The following RELN variants were observed in gnomAD, a reference collection of about 807,000 sequenced individuals.
The protein encoded by RELN is reelin.
In RELN, 108 loss-of-function variants were observed where a neutral mutation model predicts 427.6. The ratio of observed to expected loss-of-function variants is 0.25; its 90% CI spans 0.22 to 0.30. The LOEUF is 0.30. Ranked by LOEUF, RELN falls within the 10% of genes least tolerant of loss-of-function variation. The probability of loss-of-function intolerance (pLI) is 1.00; values close to 1 mark genes in which losing one functional copy is unlikely to be tolerated. For missense variants in RELN, 3,715 were observed against 4,302.8 expected, an observed-to-expected ratio of 0.86 and a Z score of 3.82; for synonymous variants, 1,524 against 1,513.4, an observed-to-expected ratio of 1.01 and a Z score of -0.16.
rs112871908 is a variant in RELN, at chr7:103,835,389, A to G, written c.338-1717T>C. Among the ~76,000 whole-genome samples the G allele has an allele frequency of 8.4e-3, 1,282 of 152,298 alleles. 15 individuals are homozygous for G. Among genetic ancestry groups the G allele is most frequent in the African/African-American group, 0.029 (1,193 of 41,560 alleles). On this transcript the variant is annotated intron_variant, in intron 2 of 64. Transcript: ENST00000428762. ...GGTGGATATGTGTCCTTATAAATGTATCCAAACACATAGAATGTACACACC... is the reference window on the plus strand; with the variant it reads ...GGTGGATATGTGTCCTTATAAATGTGTCCAAACACATAGAATGTACACACC...
intron 1 of RELN, among the ~76,000 whole-genome samples, chr7:103,980,427 C>G (rs1464062406): frequency 2.0e-5 from 3 of 152,050 alleles, no homozygotes; most frequent in Non-Finnish European, 2.9e-5. Context: ...ATTTTGCAAT[C>G]TCTATTTTAA....
chr7:103,540,091 G>C, intron 44 of RELN, 106 bp downstream of exon 44: 2 of 1,296,840 alleles, frequency 1.5e-6, no homozygotes, highest in South Asian at 1.2e-5. Flanking sequence ...TCAACTGTCA[G>C]TTCTGGGTTT....
chr7:103,480,272 A>C (rs1828186981), intron 63 of RELN, among the ~76,000 whole-genome samples: 1 of 152,220 alleles, frequency 6.6e-6, no homozygotes, highest in Non-Finnish European at 1.5e-5. Flanking sequence ...ATAATTAAGA[A>C]TATTTGTGAT....
At chr7:103,876,836 TA>T (rs1794491641) in intron 2 of RELN, among the ~76,000 whole-genome samples, 1 of 145,776 alleles carries the variant, frequency 6.9e-6, no homozygotes, top group Non-Finnish European at 1.5e-5. Context: ...ACTTTAGGCT[TA>T]AATTTTTTTT....
chr7:103,476,883 G>T (rs1274334764), intron 64 of RELN, among the ~76,000 whole-genome samples: 3 of 152,086 alleles, frequency 2.0e-5, no homozygotes, highest in Admixed American at 2.0e-4. Flanking sequence ...GAAGTGCAAT[G>T]AACTTTTAAA....
chr7:103,675,487 C>T (rs1345182932), intron 11 of RELN, among the ~76,000 whole-genome samples: 1 of 151,968 alleles, frequency 6.6e-6, no homozygotes, highest in Non-Finnish European at 1.5e-5. Flanking sequence ...GATTCAATGC[C>T]ACCCCCATCA....
At chr7:103,705,801 C>T (rs955804826) in intron 8 of RELN, among the ~76,000 whole-genome samples, 1 of 152,170 alleles carries the variant, frequency 6.6e-6, no homozygotes, top group South Asian at 2.1e-4. Context: ...CTAACTTCCA[C>T]ACTTGTAAAA....
In RELN at chr7:103,611,664, C is replaced by G; in HGVS notation, c.2842G>C (p.Val948Leu). The G allele has an allele frequency of 6.2e-7, 1 of 1,613,768 alleles. No homozygotes were observed. Among genetic ancestry groups the G allele is most frequent in the South Asian group, 1.1e-5 (1 of 91,068 alleles). Residue 948 changes from valine (V) to leucine (L), a missense_variant, in exon 21 of 65, where the codon GTG becomes CTG. By Grantham distance (32) the Val-to-Leu change is conservative. Transcript: ENST00000428762. ...TGGTTGGTTGAGTACTCCAGCTTCA[C>G]CTGGTTGTCCATGTGTGGGGTGTAT... is the stretch of plus-strand genomic sequence containing the variant. ...QKYTPHMDNQ[V>L]KLEYSTNHGL...
chr7:103,722,701 A>G (rs916506140), intron 8 of RELN, among the ~76,000 whole-genome samples: 6 of 152,176 alleles, frequency 3.9e-5, no homozygotes, highest in Non-Finnish European at 7.3e-5. Context: ...TGAATTTAAC[A>G]TAGATTATTT....
intron 50 of RELN, among the ~76,000 whole-genome samples, chr7:103,514,707 T>C (rs746118154): frequency 2.0e-5 from 3 of 152,144 alleles, no homozygotes; most frequent in Non-Finnish European, 4.4e-5. Context: ...ACCAATATCA[T>C]TGAATACCCC....
chr7:103,885,977 C>T (rs1001906272), intron 2 of RELN, among the ~76,000 whole-genome samples: 1 of 151,956 alleles, frequency 6.6e-6, no homozygotes, highest in Admixed American at 6.6e-5. Context: ...ATTTTAATCA[C>T]CATTTTTCTC....
In RELN at chr7:103,681,244, C is replaced by G. The variant is rs758505774; in HGVS notation, c.1289+872G>C. Among the ~76,000 whole-genome samples the G allele has an allele frequency of 3.3e-5, 5 of 152,148 alleles. No homozygotes were observed. In the South Asian group the frequency reaches 1.0e-3, roughly 32 times the overall value. On this transcript the variant is annotated intron_variant, in intron 11 of 64. Transcript: ENST00000428762. ...AGCGCAAAAGAGCAATACTAGCCATCTTGCCACTCAGGGACTTCGAAGTTT... is the reference window on the plus strand; with the variant it reads ...AGCGCAAAAGAGCAATACTAGCCATGTTGCCACTCAGGGACTTCGAAGTTT...
chr7:103,515,152 T>G (rs977106519), intron 50 of RELN, 33 bp downstream of exon 50: 26 of 1,613,928 alleles, frequency 1.6e-5, no homozygotes, highest in Admixed American at 8.3e-5. Flanking sequence ...GCATTTCCAC[T>G]GGGCTTTTTA....
chr7:103,661,107 C>A (rs1833130190), intron 12 of RELN, among the ~76,000 whole-genome samples: 1 of 152,054 alleles, frequency 6.6e-6, no homozygotes, highest in Admixed American at 6.5e-5. Flanking sequence ...TCAGCTATGA[C>A]CATGGAGGGA....
intron 2 of RELN, among the ~76,000 whole-genome samples, chr7:103,915,392 T>C (rs1403725370): frequency 2.0e-5 from 3 of 152,172 alleles, no homozygotes; most frequent in Admixed American, 1.3e-4. Flanking sequence ...TACATGACCA[T>C]TTAATCAACA....
At chr7:103,598,339 T>C (rs954637435) in intron 24 of RELN, among the ~76,000 whole-genome samples, 5 of 152,370 alleles carry the variant, frequency 3.3e-5, no homozygotes, top group Non-Finnish European at 5.9e-5. Flanking sequence ...TAATTTTTCC[T>C]GTTGTTGATT....
intron 10 of RELN, among the ~76,000 whole-genome samples, chr7:103,690,527 G>T (rs1387543994): frequency 6.6e-6 from 1 of 152,098 alleles, no homozygotes; most frequent in African/African-American, 2.4e-5. Flanking sequence ...CTTATCTTTA[G>T]AATAGGAGCA....
At chr7:103,828,075 T>A (rs1793185338) in intron 3 of RELN, among the ~76,000 whole-genome samples, 1 of 151,976 alleles carries the variant, frequency 6.6e-6, no homozygotes, top group Admixed American at 6.6e-5. Flanking sequence ...AATGTTTAAG[T>A]AACAAGGCAA....
intron 27 of RELN, 36 bp from the exon 28 acceptor site, chr7:103,589,864 T>C (rs1831369974): frequency 7.2e-7 from 1 of 1,381,840 alleles, no homozygotes; most frequent in Non-Finnish European, 1.0e-6. Flanking sequence ...TACAAGATTT[T>C]GGTTCTAAGT....
Sources: gnomAD v4.1 joint callset for allele counts (sites outside exome capture counted in the v4.1 genomes callset) on GRCh38, gnomAD v4.1.1 for gene constraint, MANE v1.5 for transcripts, NCBI Gene and HGNC (gene_info 2026-07-23, HGNC 2026-07-21) for gene names.